The following PLXNA4 variants were observed in gnomAD, a reference collection of about 807,000 sequenced individuals.
PLXNA4 encodes plexin A4.
PLXNA4 carries 44 observed loss-of-function variants against 191.8 expected under a neutral mutation model. That is an observed-to-expected ratio of 0.23 (90% CI 0.18 to 0.29). PLXNA4 has a LOEUF of 0.29. Ranked by LOEUF, PLXNA4 falls within the 10% of genes least tolerant of loss-of-function variation. PLXNA4 has a pLI of 1.00. For synonymous variants in PLXNA4, 1,082 were observed against 1,009.5 expected, an observed-to-expected ratio of 1.07 and a Z score of -1.36; for missense variants, 1,800 against 2,488.8, an observed-to-expected ratio of 0.72 and a Z score of 5.89.
intron 2 of PLXNA4, among the ~76,000 whole-genome samples, chr7:132,643,434 G>A (rs1482067937): frequency 7.6e-6 from 1 of 131,480 alleles, no homozygotes; most frequent in Admixed American, 8.2e-5. Flanking sequence ...CACCCCACAC[G>A]AAGCAGCCTC....
chr7:132,575,362 T>G (rs991430225), intron 1 of PLXNA4, among the ~76,000 whole-genome samples: 1 of 152,098 alleles, frequency 6.6e-6, no homozygotes, highest in African/African-American at 2.4e-5. Flanking sequence ...AGGCTTGGGC[T>G]CTGGGGGACG....
intron 4 of PLXNA4, 95 bp from the exon 5 acceptor site, chr7:132,241,261 C>G (rs757640802): frequency 2.4e-6 from 2 of 817,840 alleles, no homozygotes; most frequent in Non-Finnish European, 3.8e-6. Context: ...AAGTGTATCA[C>G]CTGAAATGTT....
intron 30 of PLXNA4, among the ~76,000 whole-genome samples, chr7:132,135,401 A>G (rs1163732831): frequency 6.6e-6 from 1 of 152,156 alleles, no homozygotes; most frequent in Non-Finnish European, 1.5e-5. Flanking sequence ...GACTCCTGTA[A>G]TTTCTCTCAC....
chr7:132,606,761 G>A (rs184333743), intron 2 of PLXNA4, among the ~76,000 whole-genome samples: 3 of 152,190 alleles, frequency 2.0e-5, no homozygotes, highest in African/African-American at 7.2e-5. Context: ...TTAAGCCTGA[G>A]AAAAATTAGG....
At chr7:132,233,477 T>C (rs62464987) in intron 5 of PLXNA4, among the ~76,000 whole-genome samples, 5,923 of 152,314 alleles carry the variant, frequency 0.039, 182 homozygotes, top group Non-Finnish European at 0.059. Flanking sequence ...GGTTGTGCCA[T>C]GTAATACTTA....
intron 2 of PLXNA4, among the ~76,000 whole-genome samples, chr7:132,500,473 G>T (rs1349455415): frequency 6.6e-6 from 1 of 151,848 alleles, no homozygotes; most frequent in Admixed American, 6.6e-5. Flanking sequence ...GAAGAAGAAG[G>T]AGGGGGAGGG....
chr7:132,558,586 A>C (rs923399638), intron 1 of PLXNA4, among the ~76,000 whole-genome samples: 16 of 152,210 alleles, frequency 1.1e-4, no homozygotes, highest in Non-Finnish European at 2.2e-4. Context: ...GAAGGAACAA[A>C]GGAGAGTGAA....
chr7:132,511,251 A>C (rs1798703322), intron 1 of PLXNA4, among the ~76,000 whole-genome samples: 1 of 152,066 alleles, frequency 6.6e-6, no homozygotes, highest in Non-Finnish European at 1.5e-5. Context: ...GGCTCACATA[A>C]TCCTCACCAC....
chr7:132,289,463 A>G (rs941951636), intron 4 of PLXNA4, among the ~76,000 whole-genome samples: 5 of 152,230 alleles, frequency 3.3e-5, no homozygotes, highest in Admixed American at 6.5e-5. Flanking sequence ...TGTATTCCCA[A>G]TGCCTTGACT....
intron 4 of PLXNA4, among the ~76,000 whole-genome samples, chr7:132,284,164 C>A (rs1176370798): frequency 6.6e-6 from 1 of 152,162 alleles, no homozygotes; most frequent in African/African-American, 2.4e-5. Flanking sequence ...CAGAGTGAGA[C>A]CCTATCTCTA....
At chr7:132,234,153 G>A (rs1038913659) in intron 5 of PLXNA4, among the ~76,000 whole-genome samples, 7 of 152,166 alleles carry the variant, frequency 4.6e-5, no homozygotes, top group Admixed American at 4.6e-4. Context: ...ATCGCCACAG[G>A]TGAATCCATT....
intron 4 of PLXNA4, among the ~76,000 whole-genome samples, chr7:132,254,386 T>A (rs1799360013): frequency 6.6e-6 from 1 of 152,128 alleles, no homozygotes; most frequent in Non-Finnish European, 1.5e-5. Context: ...ATTGTGAGGG[T>A]GAGTAAAGGG....
chr7:132,350,998 C>T (rs1803462813), intron 3 of PLXNA4, among the ~76,000 whole-genome samples: 1 of 152,158 alleles, frequency 6.6e-6, no homozygotes, highest in African/African-American at 2.4e-5. Flanking sequence ...GTGGCTAAAC[C>T]TTGAAAGCAT....
At chr7:132,640,803 A>T (rs1803728758) in intron 2 of PLXNA4, among the ~76,000 whole-genome samples, 1 of 151,848 alleles carries the variant, frequency 6.6e-6, no homozygotes, top group Non-Finnish European at 1.5e-5. Flanking sequence ...GGGCCCTGCC[A>T]ATTAAACACA....
At chr7:132,531,767 G>A (rs1799624024) in intron 1 of PLXNA4, among the ~76,000 whole-genome samples, 1 of 152,218 alleles carries the variant, frequency 6.6e-6, no homozygotes. Flanking sequence ...AGAATCACCT[G>A]AGTGCATTCT....
At chr7:132,572,686 T>C (rs1476658365) in intron 1 of PLXNA4, among the ~76,000 whole-genome samples, 4 of 152,172 alleles carry the variant, frequency 2.6e-5, no homozygotes, top group Non-Finnish European at 4.4e-5. Flanking sequence ...TCCACCTTCC[T>C]ACCGCAACTT....
At chr7:132,179,391 TACAC>T in intron 20 of PLXNA4, among the ~76,000 whole-genome samples, 1 of 133,056 alleles carries the variant, frequency 7.5e-6, no homozygotes, top group East Asian at 2.3e-4. Context: ...ATGAAACATA[TACAC>T]ATACACAGAT....
At chr7:132,385,919 G>C (rs1016819461) in intron 3 of PLXNA4, among the ~76,000 whole-genome samples, 2 of 152,196 alleles carry the variant, frequency 1.3e-5, no homozygotes, top group African/African-American at 4.8e-5. Context: ...GAATCACATC[G>C]TTTTTGAACG....
intron 3 of PLXNA4, among the ~76,000 whole-genome samples, chr7:132,322,384 T>C (rs2116644993): frequency 6.6e-6 from 1 of 152,246 alleles, no homozygotes; most frequent in East Asian, 1.9e-4. Flanking sequence ...GGTTTCACCA[T>C]GCTAGCCAGG....
Sources: gnomAD v4.1 joint callset for allele counts (sites outside exome capture counted in the v4.1 genomes callset) on GRCh38, gnomAD v4.1.1 for gene constraint, MANE v1.5 for transcripts, NCBI Gene and HGNC (gene_info 2026-07-23, HGNC 2026-07-21) for gene names.